PARD3B: variants seen among roughly 807,000 people sequenced by gnomAD.
PARD3B encodes the protein par-3 family cell polarity regulator beta.
Under a neutral mutation model 130.2 loss-of-function variants are expected in PARD3B, and 103 were observed. The ratio of observed to expected loss-of-function variants is 0.79; its 90% confidence interval spans 0.67 to 0.93. PARD3B has a LOEUF of 0.93. Ranked by LOEUF, PARD3B falls within the 40% of genes least tolerant of loss-of-function variation. The pLI is 0.00. For missense variants in PARD3B, 1,609 were observed against 1,499.2 expected, an observed-to-expected ratio of 1.07 and a Z score of -1.21; for synonymous variants, 583 against 553.2, an observed-to-expected ratio of 1.05 and a Z score of -0.76.
intron 2 of PARD3B, among the ~76,000 whole-genome samples, chr2:204,782,786 CTTACT>C (rs910658676): frequency 2.7e-4 from 41 of 151,946 alleles, no homozygotes; most frequent in South Asian, 2.1e-4. Context: ...TTACAGTTTT[CTTACT>C]TTACTTGGTT....
At chr2:205,347,336 T>G (rs763456995) in intron 18 of PARD3B, among the ~76,000 whole-genome samples, 4 of 152,162 alleles carry the variant, frequency 2.6e-5, no homozygotes, top group Admixed American at 6.5e-5. Flanking sequence ...AAATAAAAAC[T>G]TTGAGTAAAA....
intron 2 of PARD3B, among the ~76,000 whole-genome samples, chr2:204,921,055 A>G (rs1232444362): frequency 2.6e-5 from 4 of 152,204 alleles, no homozygotes; most frequent in African/African-American, 9.6e-5. Context: ...TAATGTGGTC[A>G]GGCAGATGTG....
intron 20 of PARD3B, among the ~76,000 whole-genome samples, chr2:205,498,894 G>C (rs868503252): frequency 4.6e-5 from 7 of 152,294 alleles, no homozygotes; most frequent in South Asian, 2.1e-4. Context: ...GCAAATCTCT[G>C]TAAGAGCACA....
chr2:204,784,696 T>C (rs550463380), intron 2 of PARD3B, among the ~76,000 whole-genome samples: 14 of 152,334 alleles, frequency 9.2e-5, no homozygotes, highest in African/African-American at 3.1e-4. Flanking sequence ...GGGGCAATTG[T>C]TTCTGTTTAA....
At chr2:204,634,351 A>C (rs1482449434) in intron 1 of PARD3B, among the ~76,000 whole-genome samples, 2 of 152,174 alleles carry the variant, frequency 1.3e-5, no homozygotes, top group African/African-American at 4.8e-5. Context: ...ATAGTACCCC[A>C]TTGTGTATAT....
intron 2 of PARD3B, among the ~76,000 whole-genome samples, chr2:204,882,257 G>T (rs539686270): frequency 4.0e-4 from 61 of 152,160 alleles, no homozygotes; most frequent in Non-Finnish European, 8.1e-4. Context: ...AATCCATTGA[G>T]AAACCTTTGT....
intron 22 of PARD3B, among the ~76,000 whole-genome samples, chr2:205,606,638 A>G (rs982865155): frequency 8.6e-5 from 13 of 151,958 alleles, no homozygotes; most frequent in Non-Finnish European, 1.3e-4. Flanking sequence ...CAGGCTCCAG[A>G]TACCCTCTCT....
intron 18 of PARD3B, among the ~76,000 whole-genome samples, chr2:205,329,307 G>A (rs142859962): frequency 3.4e-4 from 51 of 152,228 alleles, no homozygotes; most frequent in African/African-American, 1.0e-3. Flanking sequence ...GCAAGTGCTC[G>A]AGGCATATTT....
intron 16 of PARD3B, among the ~76,000 whole-genome samples, chr2:205,256,898 T>G (rs2040110209): frequency 6.6e-6 from 1 of 152,114 alleles, no homozygotes; most frequent in Non-Finnish European, 1.5e-5. Context: ...CCATGAGACC[T>G]GTCATTTATG....
intron 18 of PARD3B, among the ~76,000 whole-genome samples, chr2:205,360,679 A>G (rs1291467477): frequency 2.0e-5 from 3 of 152,130 alleles, no homozygotes; most frequent in African/African-American, 7.2e-5. Flanking sequence ...GGCCAGGTGC[A>G]TGGGCTCTGG....
intron 4 of PARD3B, 118 bp downstream of exon 4, chr2:205,047,808 A>G: frequency 3.0e-6 from 2 of 672,976 alleles, no homozygotes; most frequent in Non-Finnish European, 2.5e-6. Context: ...TTGATAGTAT[A>G]TATAGTATTA....
chr2:205,209,701 T>A (rs2037517762), intron 15 of PARD3B, among the ~76,000 whole-genome samples: 1 of 151,942 alleles, frequency 6.6e-6, no homozygotes, highest in Non-Finnish European at 1.5e-5. Flanking sequence ...AATTTGTTAT[T>A]GGCAATACTT....
intron 2 of PARD3B, among the ~76,000 whole-genome samples, chr2:204,699,077 T>G (rs2037756599): frequency 6.6e-6 from 1 of 152,064 alleles, no homozygotes; most frequent in South Asian, 2.1e-4. Flanking sequence ...AGTTTTGCAA[T>G]TATCAGTTTT....
intron 2 of PARD3B, among the ~76,000 whole-genome samples, chr2:204,892,506 G>A (rs1465630556): frequency 6.6e-6 from 1 of 152,200 alleles, no homozygotes; most frequent in African/African-American, 2.4e-5. Flanking sequence ...CTTGAATTGA[G>A]ATGTGCTATA....
At chr2:205,577,231 A>T (rs1202026659) in intron 22 of PARD3B, among the ~76,000 whole-genome samples, 1 of 151,442 alleles carries the variant, frequency 6.6e-6, no homozygotes, top group East Asian at 2.0e-4. Flanking sequence ...CTAGATGATC[A>T]TGTCACCTGC....
At chr2:204,709,553 C>T (rs2038337875) in intron 2 of PARD3B, among the ~76,000 whole-genome samples, 1 of 152,168 alleles carries the variant, frequency 6.6e-6, no homozygotes, top group African/African-American at 2.4e-5. Flanking sequence ...ACCTTTGGCT[C>T]TCTTTGAATG....
intron 10 of PARD3B, among the ~76,000 whole-genome samples, chr2:205,132,975 G>A (rs2032147864): frequency 1.3e-5 from 2 of 152,036 alleles, no homozygotes; most frequent in Non-Finnish European, 2.9e-5. Context: ...AGAAGGCTGG[G>A]AAACGTATTA....
rs866377535 is a variant in PARD3B at position 204,773,261 on chromosome 2, G to A, written c.222+86979G>A. On this transcript the variant is annotated intron_variant, in intron 2 of 22. Coordinates refer to ENST00000406610, the MANE Select transcript of PARD3B (RefSeq NM_001302769.2). Reference sequence around the variant, plus strand: ...TGAAATACAGTTTAGAGTCTCTTACGGAGTAAACTGGATTAGTCATCTGCA... The same window carrying A: ...TGAAATACAGTTTAGAGTCTCTTACAGAGTAAACTGGATTAGTCATCTGCA... Among the ~76,000 whole-genome samples, 25 of 151,450 alleles carry A rather than the reference G, an allele frequency of 1.7e-4. No homozygotes were observed. The Middle Eastern group carries it at 0.014, about 82-fold the overall frequency.
rs558695604 is a variant in PARD3B, at chr2:205,446,047, G to C, written c.3044+5375G>C. On this transcript the variant is annotated intron_variant, in intron 20 of 22. Coordinates refer to ENST00000406610, the MANE Select transcript of PARD3B (RefSeq NM_001302769.2). The surrounding 1 kb of genome is among the most constrained non-coding windows in gnomAD (Gnocchi z 4.4). Reference sequence around the variant, plus strand: ...AGAACACAGTGTGGAAAGTGCAGCCGAAGAGTAAGTGCAGGGTACTGTTTG... The same window carrying C: ...AGAACACAGTGTGGAAAGTGCAGCCCAAGAGTAAGTGCAGGGTACTGTTTG... Among the ~76,000 whole-genome samples, 1 of 152,142 alleles carries C rather than the reference G, an allele frequency of 6.6e-6. No homozygotes were observed.
Sources: gnomAD v4.1 joint callset for allele counts (sites outside exome capture counted in the v4.1 genomes callset) on GRCh38, gnomAD v4.1.1 for gene constraint, Gnocchi (gnomAD v3.1) non-coding constraint, MANE v1.5 for transcripts, NCBI Gene and HGNC (gene_info 2026-07-23, HGNC 2026-07-21) for gene names.